GUCY1A1: variants seen among roughly 807,000 people sequenced by gnomAD.
GUCY1A1 encodes the protein guanylate cyclase 1 soluble subunit alpha 1.
In GUCY1A1, 48 loss-of-function variants were observed where a neutral mutation model predicts 64.5. The observed-to-expected ratio is 0.74, with a 90% CI of 0.59 to 0.95. The LOEUF is 0.95. Among genes scored for constraint, GUCY1A1 ranks in the 40% least tolerant of loss-of-function variants. GUCY1A1 has a pLI of 0.00. For synonymous variants in GUCY1A1, 308 were observed against 303.4 expected (o/e 1.02, Z -0.16); for missense variants, 804 against 825.3 (o/e 0.97, Z 0.32).
chr4:155,678,271 ATTG>A (rs1212029768), intron 2 of GUCY1A1, among the ~76,000 whole-genome samples: 2 of 152,200 alleles, frequency 1.3e-5, no homozygotes, highest in Non-Finnish European at 2.9e-5. Context: ...ATATTAGAAT[ATTG>A]TTATGAAAAT....
At chr4:155,707,641 A>G (rs375437103) in intron 4 of GUCY1A1, among the ~76,000 whole-genome samples, 13 of 152,012 alleles carry the variant, frequency 8.6e-5, no homozygotes, top group East Asian at 7.7e-4. Context: ...GACTGTCTGT[A>G]TTAGTCTATG....
intron 2 of GUCY1A1, among the ~76,000 whole-genome samples, chr4:155,676,727 G>C (rs28555339): frequency 0.042 from 6,330 of 151,484 alleles, 726 homozygotes; most frequent in African/African-American, 0.15. Flanking sequence ...CTTTATTCTT[G>C]ATCATTCTCT....
At chr4:155,671,181 A>T (rs1734099561) in intron 2 of GUCY1A1, among the ~76,000 whole-genome samples, 1 of 152,100 alleles carries the variant, frequency 6.6e-6, no homozygotes, top group Admixed American at 6.6e-5. Context: ...GGTCTTGGTG[A>T]CAGAGACCCT....
chr4:155,706,184 A>G (rs931884932), intron 4 of GUCY1A1, among the ~76,000 whole-genome samples: 1 of 152,218 alleles, frequency 6.6e-6, no homozygotes, highest in Non-Finnish European at 1.5e-5. Flanking sequence ...ATGTCCCTAA[A>G]TATAAAAAAA....
chr4:155,704,925 C>T (rs922138379), intron 4 of GUCY1A1, among the ~76,000 whole-genome samples: 10 of 152,214 alleles, frequency 6.6e-5, no homozygotes, highest in African/African-American at 1.9e-4. Context: ...CTTGCTCTGT[C>T]GCCTAGGCTG....
Position 155,713,001 on chromosome 4 carries a change from A to G in GUCY1A1, c.1087-97A>G, listed in dbSNP as rs113617602. ...TTGTTCCTTTTCAGCAGGTTTAAAC[A>G]CAAAGGGTTTATTACTGTATCTACT... On this transcript the variant is annotated intron_variant, in intron 6 of 9. Transcript: ENST00000506455. 1.1e-4 allele frequency: 117 copies of G among 1,048,988 alleles called. No individual in the cohort carries two copies. The African/African-American group carries it at 1.6e-3, about 14-fold the overall frequency. 65.0% of individuals were successfully genotyped at this position (1,048,988 alleles called of 1,614,324 possible).
chr4:155,697,115 T>C lies in GUCY1A1; in HGVS notation c.248T>C (p.Phe83Ser). 2 of 1,612,840 alleles carry C rather than the reference T, an allele frequency of 1.2e-6. No individual in the cohort carries two copies. Among genetic ancestry groups the C allele is most frequent in the African/African-American group, 1.3e-5 (1 of 75,010 alleles). Residue 83 changes from phenylalanine (F) to serine (S), a missense_variant, in exon 3 of 10, where the codon TTC (phenylalanine) becomes TCC (serine). By Grantham distance (155) the Phe-to-Ser change is radical. Coordinates refer to ENST00000506455, the MANE Select transcript of GUCY1A1 (RefSeq NM_001130682.3). ...GCAGAGAGTATTTGCAAACTGATTTTCCCAGAGGTGAGTGCGTGCTCTTTA... is the reference window on the plus strand; with the variant it reads ...GCAGAGAGTATTTGCAAACTGATTTCCCCAGAGGTGAGTGCGTGCTCTTTA... ...TLAESICKLI[F>S]PEFERLNVAL...
At chr4:155,704,095 T>C (rs1731431204) in intron 4 of GUCY1A1, 102 bp downstream of exon 4, 6 of 684,482 alleles carry the variant, frequency 8.8e-6, no homozygotes, top group East Asian at 5.2e-5. Flanking sequence ...TATTGAATCA[T>C]TGTGGTATGT....
At chr4:155,673,800 C>A (rs1450054612) in intron 2 of GUCY1A1, among the ~76,000 whole-genome samples, 1 of 151,482 alleles carries the variant, frequency 6.6e-6, no homozygotes, top group East Asian at 1.9e-4. Flanking sequence ...GGGCCCACAC[C>A]TACACATCTT....
intron 4 of GUCY1A1, among the ~76,000 whole-genome samples, chr4:155,705,539 C>CAAAA (rs35914312): frequency 3.0e-4 from 25 of 82,080 alleles, no homozygotes; most frequent in Non-Finnish European, 4.6e-4. Flanking sequence ...GACTCCATCT[C>CAAAA]AAAAAAAAAA....
intron 5 of GUCY1A1, among the ~76,000 whole-genome samples, 155 bp from the exon 6 acceptor site, chr4:155,710,387 T>C (rs986616428): frequency 6.6e-6 from 1 of 152,182 alleles, no homozygotes; most frequent in Admixed American, 6.5e-5. Context: ...AGGTAGATAA[T>C]TTGGATATAG....
At chr4:155,680,613 A>G (rs548506177) in intron 2 of GUCY1A1, among the ~76,000 whole-genome samples, 254 of 152,272 alleles carry the variant, frequency 1.7e-3, no homozygotes, top group African/African-American at 5.9e-3. Context: ...GGTGACTGGA[A>G]GCTTTACCGA....
chr4:155,683,064 A>C (rs1374982690), intron 2 of GUCY1A1, among the ~76,000 whole-genome samples: 2 of 152,170 alleles, frequency 1.3e-5, no homozygotes, highest in Non-Finnish European at 2.9e-5. Context: ...TCAAGTATAG[A>C]AACATGGATG....
At chr4:155,669,293 C>A (rs570586706) in intron 2 of GUCY1A1, among the ~76,000 whole-genome samples, 1 of 151,682 alleles carries the variant, frequency 6.6e-6, no homozygotes. Context: ...TTCTATTATA[C>A]GACAGAAAAT....
chr4:155,728,334 T>C (rs1455780394), intron 9 of GUCY1A1, among the ~76,000 whole-genome samples: 1 of 151,858 alleles, frequency 6.6e-6, no homozygotes, highest in Non-Finnish European at 1.5e-5. Flanking sequence ...TTAACTGTCT[T>C]ACAAAGTTCC....
rs2110857770 is a variant in GUCY1A1, at chr4:155,735,077, A to ATTC, written c.*4849_*4851dup. The stretch of plus-strand genomic sequence containing the variant: ...TATTGATGATGTGCACTCATTCAGT[A>ATTC]TTCTTATTTTAAGCTGCAGTAATCA... On this transcript the variant is annotated 3_prime_UTR_variant, in exon 10 of 10. Transcript: ENST00000506455. The ATTC allele has an allele frequency of 1.3e-5, 2 of 152,030 alleles. No individual in the cohort carries two copies. Among genetic ancestry groups the ATTC allele is most frequent in the East Asian group, 3.9e-4 (2 of 5,144 alleles). 9.4% of individuals were successfully genotyped at this position (152,030 alleles called of 1,614,324 possible).
chr4:155,722,216 A>G (rs763668722), intron 9 of GUCY1A1, 24 bp downstream of exon 9: 1 of 1,601,896 alleles, frequency 6.2e-7, no homozygotes, highest in East Asian at 2.2e-5. Context: ...TAAACACCTA[A>G]AATCTCTTGT....
chr4:155,678,555 G>A (rs906039595), intron 2 of GUCY1A1, among the ~76,000 whole-genome samples: 2 of 152,186 alleles, frequency 1.3e-5, no homozygotes, highest in Non-Finnish European at 2.9e-5. Context: ...TGAAAAAATG[G>A]ATGATGCACA....
rs567593901 is a variant in GUCY1A1, at chr4:155,733,712, T to C, written c.*3481T>C. ...CATGAGTAAAATTAGATCCATTGGC[T>C]ACTGACTCCCTCTCCAACAGTTTTA... On this transcript the variant is annotated 3_prime_UTR_variant, in exon 10 of 10. Coordinates refer to ENST00000506455, the MANE Select transcript of GUCY1A1 (RefSeq NM_001130682.3). 6.0e-5 allele frequency among the ~76,000 whole-genome samples: 9 copies of C among 150,428 alleles called. No individual in the cohort carries two copies. The highest frequency in any genetic ancestry group is 2.2e-4 in the African/African-American group (9 of 41,038).
Sources: gnomAD v4.1 joint callset for allele counts (sites outside exome capture counted in the v4.1 genomes callset) on GRCh38, gnomAD v4.1.1 for gene constraint, MANE v1.5 for transcripts, NCBI Gene and HGNC (gene_info 2026-07-23, HGNC 2026-07-21) for gene names.